Variants in ULK4 observed in about 807,000 individuals in gnomAD.
The protein encoded by ULK4 is unc-51 like kinase 4, also known as inactive serine/threonine-protein kinase ULK4.
ULK4 carries 133 observed loss-of-function variants against 160.6 expected under a neutral mutation model. That is an observed-to-expected ratio of 0.83 (90% CI 0.72 to 0.96). The LOEUF is 0.96. ULK4 is among the 40% of genes least tolerant of loss of function. ULK4 has a pLI of 0.00. For synonymous variants in ULK4, 534 were observed against 539.8 expected, an observed-to-expected ratio of 0.99 and a Z score of 0.15; for missense variants, 1,580 against 1,499.5, an observed-to-expected ratio of 1.05 and a Z score of -0.89.
At chr3:41,725,336 C>A (rs1432952015) in intron 22 of ULK4, among the ~76,000 whole-genome samples, 1 of 152,096 alleles carries the variant, frequency 6.6e-6, no homozygotes, top group Non-Finnish European at 1.5e-5. Context: ...ATATTGATAT[C>A]TAAATTATCT....
At chr3:41,452,030 C>T (rs947417849) in intron 34 of ULK4, among the ~76,000 whole-genome samples, 13 of 152,158 alleles carry the variant, frequency 8.5e-5, no homozygotes, top group African/African-American at 3.1e-4. Context: ...ATTTAATGTT[C>T]TATACTCACC....
chr3:41,918,415 T>C, intron 7 of ULK4, 42 bp downstream of exon 7: 6 of 1,378,820 alleles, frequency 4.4e-6, no homozygotes, highest in Non-Finnish European at 6.0e-6. Context: ...CTTTAATCAG[T>C]GTAAAATGTA....
intron 29 of ULK4, among the ~76,000 whole-genome samples, chr3:41,668,550 G>A (rs2035426423): frequency 6.6e-6 from 1 of 152,148 alleles, no homozygotes. Context: ...GTAGTAAGCT[G>A]TGCCACCTAG....
In ULK4 at chr3:41,912,884, C is replaced by G; in HGVS notation, c.819G>C (p.Arg273Ser). The change falls in exon 9 of 37, where the codon AGG (arginine) becomes AGC (serine). Residue 273 changes from arginine to serine, a missense_variant. Coordinates refer to ENST00000301831, the MANE Select transcript of ULK4 (RefSeq NM_017886.4). ...TCTTCCAAAATGAATGCTGCAGTAG[C>G]CTTGTCCAAGTCAATCTTTAAAAAA... Reference protein sequence around the residue: ...RDPQKRLTWTRLLQHSFWKKA... With the variant: ...RDPQKRLTWTSLLQHSFWKKA... 1 of 1,614,080 alleles carries G rather than the reference C, an allele frequency of 6.2e-7. No individual in the cohort carries two copies. Among genetic ancestry groups the G allele is most frequent in the Non-Finnish European group, 8.5e-7 (1 of 1,179,996 alleles).
At chr3:41,585,049 T>C (rs531325049) in intron 31 of ULK4, among the ~76,000 whole-genome samples, 63 of 152,270 alleles carry the variant, frequency 4.1e-4, no homozygotes, top group Non-Finnish European at 8.1e-4. Flanking sequence ...CCTGTGTTCA[T>C]AGATCAAAAG....
In ULK4 at chr3:41,800,272, T is replaced by A; in HGVS notation, c.1870A>T (p.Met624Leu). The A allele has an allele frequency of 6.2e-7, 1 of 1,612,708 alleles. No individual in the cohort carries two copies. The highest frequency in any genetic ancestry group is 8.5e-7 in the Non-Finnish European group (1 of 1,179,592). Residue 624 changes from methionine (M) to leucine (L), a missense_variant, in exon 20 of 37, where the codon ATG becomes TTG. Coordinates refer to ENST00000301831, the MANE Select transcript of ULK4 (RefSeq NM_017886.4). The stretch of plus-strand genomic sequence containing the variant: ...ACATTTTCAATAATTTTTGCTGCCA[T>A]GTGATTCACAACACGCTCTTCCTAT... ...REGEERVVNH[M>L]AAKIIENVCT...
At chr3:41,859,114 G>T (rs72864538) in intron 17 of ULK4, among the ~76,000 whole-genome samples, 14 of 152,256 alleles carry the variant, frequency 9.2e-5, no homozygotes, top group African/African-American at 3.1e-4. Flanking sequence ...TCATTTTCTG[G>T]AGTCAGCACA....
chr3:41,741,596 C>T (rs771247092), intron 22 of ULK4, among the ~76,000 whole-genome samples: 13 of 151,956 alleles, frequency 8.6e-5, no homozygotes, highest in Non-Finnish European at 1.5e-4. Context: ...AAATCAGATG[C>T]ATGCCTGTTA....
chr3:41,633,918 T>G lies in ULK4; in HGVS notation c.3072-18201A>C, dbSNP rs189474212. ...GAGCTCCCTGTGCAATGATGCACAG[T>G]GCTTAGTGCTTTACCTCTCACTTGA... On this transcript the variant is annotated intron_variant, in intron 30 of 36. Coordinates refer to ENST00000301831, the MANE Select transcript of ULK4 (RefSeq NM_017886.4). 3.3e-3 allele frequency among the ~76,000 whole-genome samples: 507 copies of G among 152,256 alleles called. 3 individuals carry two copies. Among genetic ancestry groups the G allele is most frequent in the African/African-American group, 0.011 (464 of 41,574 alleles).
At chr3:41,449,118 A>G (rs1395097485) in intron 34 of ULK4, among the ~76,000 whole-genome samples, 3 of 152,126 alleles carry the variant, frequency 2.0e-5, no homozygotes, top group African/African-American at 7.2e-5. Flanking sequence ...GGGTTTCACC[A>G]TACTGGCCAG....
At chr3:41,353,443 T>C (rs554638965) in intron 35 of ULK4, among the ~76,000 whole-genome samples, 12 of 152,150 alleles carry the variant, frequency 7.9e-5, no homozygotes, top group African/African-American at 2.9e-4. Context: ...GGGGAGAGGA[T>C]TTCTGGAGCC....
intron 13 of ULK4, among the ~76,000 whole-genome samples, chr3:41,899,650 T>C (rs2148790496): frequency 6.6e-6 from 1 of 152,332 alleles, no homozygotes; most frequent in Admixed American, 6.5e-5. Context: ...ATCGTTAGTG[T>C]ATTTTATGTG....
At chr3:41,275,249 C>T (rs962729035) in intron 35 of ULK4, among the ~76,000 whole-genome samples, 1 of 152,242 alleles carries the variant, frequency 6.6e-6, no homozygotes, top group Non-Finnish European at 1.5e-5. Flanking sequence ...TCCATTACTA[C>T]AGAGGAGACC....
intron 30 of ULK4, among the ~76,000 whole-genome samples, chr3:41,656,499 C>T (rs961175777): frequency 2.6e-5 from 4 of 152,174 alleles, no homozygotes; most frequent in Non-Finnish European, 4.4e-5. Context: ...CCATTAAATA[C>T]TAAGCATCCT....
intron 17 of ULK4, among the ~76,000 whole-genome samples, chr3:41,838,349 T>G (rs1305890221): frequency 6.6e-6 from 1 of 152,128 alleles, no homozygotes; most frequent in Non-Finnish European, 1.5e-5. Flanking sequence ...TCAAGATAAT[T>G]ATATAAAAAT....
chr3:41,296,833 G>A (rs1381731535), intron 35 of ULK4, among the ~76,000 whole-genome samples: 3 of 152,106 alleles, frequency 2.0e-5, no homozygotes, highest in African/African-American at 4.8e-5. Flanking sequence ...CCACTGAAGG[G>A]AGGTTGAGAG....
chr3:41,585,056 A>T (rs2030688970), intron 31 of ULK4, among the ~76,000 whole-genome samples: 1 of 152,230 alleles, frequency 6.6e-6, no homozygotes, highest in Admixed American at 6.5e-5. Flanking sequence ...TCATAGATCA[A>T]AAGATGTAAT....
At chr3:41,267,186 C>G (rs770318283) in intron 35 of ULK4, among the ~76,000 whole-genome samples, 1 of 152,042 alleles carries the variant, frequency 6.6e-6, no homozygotes, top group Non-Finnish European at 1.5e-5. Flanking sequence ...CCAACAGGCC[C>G]TGGTGTGTGA....
intron 31 of ULK4, among the ~76,000 whole-genome samples, chr3:41,590,160 G>A (rs1453110829): frequency 2.0e-5 from 3 of 151,652 alleles, no homozygotes; most frequent in South Asian, 2.1e-4. Flanking sequence ...CTGCCACCAC[G>A]CCCAGCTAAT....
Sources: gnomAD v4.1 joint callset for allele counts (sites outside exome capture counted in the v4.1 genomes callset) on GRCh38, gnomAD v4.1.1 for gene constraint, MANE v1.5 for transcripts, NCBI Gene and HGNC (gene_info 2026-07-23, HGNC 2026-07-21) for gene names.